Variants in CELSR1 observed in about 807,000 individuals in gnomAD.
CELSR1 encodes adhesion G protein-coupled receptor C1.
Under a neutral mutation model 249.1 loss-of-function variants are expected in CELSR1, and 110 were observed. The observed-to-expected ratio is 0.44, with a 90% CI of 0.38 to 0.52. The LOEUF (loss-of-function observed/expected upper bound fraction) is 0.52. CELSR1 is among the 20% of genes least tolerant of loss of function. CELSR1 has a pLI of 0.00. For synonymous variants in CELSR1, 2,113 were observed against 1,900.0 expected (o/e 1.11, Z -2.92); for missense variants, 4,109 against 4,296.4 (o/e 0.96, Z 1.22).
In CELSR1 at chr22:46,430,591, C is replaced by T. The variant is rs544493574; in HGVS notation, c.4611+2802G>A. 4.6e-5 allele frequency among the ~76,000 whole-genome samples: 7 copies of T among 152,288 alleles called. No homozygotes were observed. The highest frequency in any genetic ancestry group is 7.2e-5 in the African/African-American group (3 of 41,548). ...GGGTCCCCTCCCACCCTGAGCCTGT[C>T]GTCTTCCCCAAAACCTTCCCTGGTG... On this transcript the variant is annotated intron_variant, in intron 5 of 34. Transcript: ENST00000674500. This position sits in a 1 kb window ranked among gnomAD's most constrained non-coding sequence, Gnocchi z 4.6.
intron 1 of CELSR1, among the ~76,000 whole-genome samples, chr22:46,466,884 T>C (rs771352711): frequency 6.6e-6 from 1 of 152,132 alleles, no homozygotes; most frequent in Non-Finnish European, 1.5e-5. Flanking sequence ...CCAGGGGATT[T>C]GCATCCTCAC....
rs753044365 is a variant in CELSR1 at position 46,439,197 on chromosome 22, G to A, written c.4398C>T (p.Ile1466=). Residue 1466 remains isoleucine, a synonymous_variant, in exon 3 of 35, where the codon ATC becomes ATT. Transcript: ENST00000674500. ...GCGGGACGCACACTCACGTGAGGGA[G>A]ATGGTGAAGTGGAAGCGCTGTCTCA... is the stretch of plus-strand genomic sequence containing the variant. ...RGLRQRFHFT[I]SLTFATQERN... The A allele has an allele frequency of 2.5e-6, 4 of 1,613,058 alleles. No individual in the cohort carries two copies. The African/African-American group carries it at 4.0e-5, about 16-fold the overall frequency.
chr22:46,438,505 G>C (rs982210122), intron 3 of CELSR1, among the ~76,000 whole-genome samples: 2 of 152,160 alleles, frequency 1.3e-5, no homozygotes, highest in African/African-American at 4.8e-5. Flanking sequence ...CAAAACCCTC[G>C]GTGATTTAGG....
Position 46,498,611 on chromosome 22 carries a change from C to CA in CELSR1, c.3545-34267dup, listed in dbSNP as rs35803268. 4.5e-3 allele frequency among the ~76,000 whole-genome samples: 485 copies of CA among 108,966 alleles called. 2 individuals carry two copies. The highest frequency in any genetic ancestry group is 0.031 in the Middle Eastern group (6 of 194). The allele number at this position is 108,966 out of a possible 152,430, so 71.5% of individuals were successfully genotyped here. A position where few individuals can be genotyped will look rare whatever the true frequency, so the allele number is the denominator to read the frequency against. On this transcript the variant is annotated intron_variant, in intron 1 of 34. Transcript: ENST00000674500. ...CTGGGGACAGAGTGAGACTCTGTCT[C>CA]AAAAAAAAAAAAAAGAAAAAGAAAA...
chr22:46,497,853 G>C (rs974616851), intron 1 of CELSR1, among the ~76,000 whole-genome samples: 9 of 152,104 alleles, frequency 5.9e-5, no homozygotes, highest in African/African-American at 1.7e-4. Flanking sequence ...ACACAGAAGA[G>C]AGTACCCATT....
At chr22:46,451,925 GAAGC>G (rs1260822295) in intron 2 of CELSR1, among the ~76,000 whole-genome samples, 1 of 152,192 alleles carries the variant, frequency 6.6e-6, no homozygotes, top group Non-Finnish European at 1.5e-5. Flanking sequence ...AGGGAGATGA[GAAGC>G]AAGGGGAAGG....
chr22:46,489,887 CCTT>C (rs1271480354), intron 1 of CELSR1, among the ~76,000 whole-genome samples: 1 of 111,180 alleles, frequency 9.0e-6, no homozygotes, highest in African/African-American at 4.5e-5. Context: ...GATCAAGACT[CCTT>C]CTCAAAAAAA....
rs956045979 is a variant in CELSR1, at chr22:46,536,547, G to A, written c.624C>T (p.Pro208=). The change falls in exon 1 of 35, where the codon CCC becomes CCT. Residue 208 remains proline, a synonymous_variant. Coordinates refer to ENST00000674500, the MANE Select transcript of CELSR1 (RefSeq NM_001378328.1). ...GCGGCGATGGGGATGGCGACGCGGA[G>A]GGCGTCCCCGCGGTGGCGGCCTCCA... ...LALEAATAGT[P]SASPSPSPPL... 75 of 1,356,412 alleles carry A rather than the reference G, an allele frequency of 5.5e-5. No homozygotes were observed. Among genetic ancestry groups the A allele is most frequent in the Non-Finnish European group, 6.6e-5 (70 of 1,061,708 alleles). 84.0% of individuals were successfully genotyped at this position (1,356,412 alleles called of 1,614,324 possible).
At chr22:46,386,982 T>A (rs2079040746) in intron 18 of CELSR1, among the ~76,000 whole-genome samples, 1 of 152,184 alleles carries the variant, frequency 6.6e-6, no homozygotes, top group African/African-American at 2.4e-5. Flanking sequence ...GGTTTTGAAC[T>A]CCTGACCTCA....
chr22:46,432,792 G>A (rs557485752), intron 5 of CELSR1, among the ~76,000 whole-genome samples: 8 of 151,748 alleles, frequency 5.3e-5, no homozygotes, highest in Non-Finnish European at 1.0e-4. Flanking sequence ...CAAGGTGGCT[G>A]CAAATGAATA....
At chr22:46,533,261 G>A (rs2080810450) in intron 1 of CELSR1, among the ~76,000 whole-genome samples, 1 of 152,202 alleles carries the variant, frequency 6.6e-6, no homozygotes, top group Non-Finnish European at 1.5e-5. Flanking sequence ...CCCTGTGGCT[G>A]GCTGACGAAA....
chr22:46,391,755 C>T lies in CELSR1; in HGVS notation c.6026G>A (p.Gly2009Asp). 6.2e-7 allele frequency: 1 copy of T among 1,612,688 alleles called. No homozygotes were observed. The highest frequency in any genetic ancestry group is 8.5e-7 in the Non-Finnish European group (1 of 1,179,844). ...CATGTCGCAAGTGCGGCTGTGGGAG[C>T]CATGGGGGAAGCAGTCGCAGGGCAG... Reference protein sequence around the residue: ...TCLPCDCFPHGSHSRTCDMAT... With the variant: ...TCLPCDCFPHDSHSRTCDMAT... The change falls in exon 15 of 35, where the codon GGC (glycine) becomes GAC (aspartate). Residue 2009 changes from glycine to aspartate, a missense_variant. By Grantham distance (94) the Gly-to-Asp change is moderately conservative. Around this residue, in one of 7 missense-constraint regions of CELSR1, gnomAD observed 1,805 missense variants for 1,831.6 expected, o/e 0.99. Coordinates refer to ENST00000674500, the MANE Select transcript of CELSR1 (RefSeq NM_001378328.1). This position sits in a 1 kb window ranked among gnomAD's most constrained non-coding sequence, Gnocchi z 4.3.
At chr22:46,419,720 G>A (rs970276098) in intron 5 of CELSR1, among the ~76,000 whole-genome samples, 5 of 152,110 alleles carry the variant, frequency 3.3e-5, no homozygotes, top group Admixed American at 2.6e-4. Context: ...TCACACTCAC[G>A]TGTGTACACT....
At position 46,483,802 on chromosome 22, in the gene CELSR1, G is replaced by A. The variant is rs1271085372; in HGVS notation, c.3545-19457C>T. On this transcript the variant is annotated intron_variant, in intron 1 of 34. Coordinates refer to ENST00000674500, the MANE Select transcript of CELSR1 (RefSeq NM_001378328.1). ...CGCCATCTTCCTGCCAAGGTAGAGTGAGGCCTGCAGTCTCCACGTGTCTAC... is the reference window on the plus strand; with the variant it reads ...CGCCATCTTCCTGCCAAGGTAGAGTAAGGCCTGCAGTCTCCACGTGTCTAC... Among the ~76,000 whole-genome samples the A allele has an allele frequency of 5.3e-5, 8 of 152,178 alleles. No individual in the cohort carries two copies. The East Asian group carries it at 1.2e-3, about 22-fold the overall frequency.
intron 5 of CELSR1, among the ~76,000 whole-genome samples, chr22:46,432,731 A>G (rs535613442): frequency 6.6e-6 from 1 of 152,170 alleles, no homozygotes; most frequent in Non-Finnish European, 1.5e-5. Context: ...GATTTTGGCT[A>G]CAGAGCCGTG....
rs963362241 is a variant in CELSR1, at chr22:46,406,351, C to T, written c.5226+2645G>A. Reference sequence around the variant, plus strand: ...ACAGGCCAGCTGTAATCATCCCTGGCGCACACCACACCTTCCAGGCAATCC... The same window carrying T: ...ACAGGCCAGCTGTAATCATCCCTGGTGCACACCACACCTTCCAGGCAATCC... On this transcript the variant is annotated intron_variant, in intron 9 of 34. Transcript: ENST00000674500. The surrounding 1 kb of genome is among the most constrained non-coding windows in gnomAD (Gnocchi z 5.4). Among the ~76,000 whole-genome samples, 11 of 152,214 alleles carry T rather than the reference C, an allele frequency of 7.2e-5. No individual in the cohort carries two copies. Among genetic ancestry groups the T allele is most frequent in the Non-Finnish European group, 1.3e-4 (9 of 68,046 alleles).
intron 13 of CELSR1, 67 bp from the exon 14 acceptor site, chr22:46,394,329 C>T: frequency 6.5e-7 from 1 of 1,541,706 alleles, no homozygotes; most frequent in Non-Finnish European, 8.7e-7. Flanking sequence ...GAGAAGAGGC[C>T]TGCAGGCAGC....
intron 1 of CELSR1, among the ~76,000 whole-genome samples, chr22:46,515,907 A>G (rs1051368124): frequency 6.6e-6 from 1 of 152,230 alleles, no homozygotes; most frequent in African/African-American, 2.4e-5. Flanking sequence ...CCACAATGAG[A>G]TATCATCTCA....
rs536088681 is a variant in CELSR1 at position 46,427,902 on chromosome 22, G to A, written c.4611+5491C>T. Among the ~76,000 whole-genome samples, 4 of 152,238 alleles carry A rather than the reference G, an allele frequency of 2.6e-5. No individual in the cohort carries two copies. Among genetic ancestry groups the A allele is most frequent in the East Asian group, 3.9e-4 (2 of 5,168 alleles). On this transcript the variant is annotated intron_variant, in intron 5 of 34. Coordinates refer to ENST00000674500, the MANE Select transcript of CELSR1 (RefSeq NM_001378328.1). This position sits in a 1 kb window ranked among gnomAD's most constrained non-coding sequence, Gnocchi z 4.2. ...CCCAAGTGTCTGGGTGGAAGTCCTC[G>A]AGTTTTTAGAACATGTGCAGAAACG...
Sources: allele counts gnomAD v4.1 joint callset (sites outside exome capture counted in the v4.1 genomes callset), GRCh38; gene constraint gnomAD v4.1.1; regional missense constraint gnomAD v4.1.1; non-coding constraint Gnocchi (gnomAD v3.1); transcripts MANE v1.5; gene names NCBI Gene and HGNC (gene_info 2026-07-23, HGNC 2026-07-21).